Variants in FHIT observed in about 807,000 individuals in gnomAD.
The protein encoded by FHIT is fragile histidine triad diadenosine triphosphatase, also known as bis(5'-adenosyl)-triphosphatase.
A neutral mutation model predicts 17.9 loss-of-function variants in FHIT; 19 were observed. The ratio of observed to expected loss-of-function variants is 1.06; its 90% CI spans 0.74 to 1.56. The LOEUF is 1.56. Ranked by LOEUF, FHIT falls within the 40% of genes most tolerant of loss-of-function variation. The pLI is 0.00. For synonymous variants in FHIT, 81 were observed against 69.7 expected, an observed-to-expected ratio of 1.16 and a Z score of -0.81; for missense variants, 248 against 189.2, an observed-to-expected ratio of 1.31 and a Z score of -1.82.
chr3:60,781,669 T>C (rs1365975846), intron 4 of FHIT, among the ~76,000 whole-genome samples: 1 of 152,112 alleles, frequency 6.6e-6, no homozygotes, highest in Non-Finnish European at 1.5e-5. Flanking sequence ...AAGTCTATTG[T>C]GAAAATATCA....
In FHIT at chr3:59,834,596, CT is replaced by C. The variant is rs370555045; in HGVS notation, c.349-82276del. On this transcript the variant is annotated intron_variant, in intron 8 of 9. Coordinates refer to ENST00000492590, the MANE Select transcript of FHIT (RefSeq NM_002012.4). Reference sequence around the variant, plus strand: ...CCTCTTCCAGGTTGTAGATTGTCAACTTTTTACTGTATCCTCACGTGGTGGA... The same window carrying C: ...CCTCTTCCAGGTTGTAGATTGTCAACTTTTACTGTATCCTCACGTGGTGGA... Among the ~76,000 whole-genome samples the C allele has an allele frequency of 4.1e-3, 620 of 152,270 alleles. 7 individuals carry two copies. Among genetic ancestry groups the C allele is most frequent in the South Asian group, 0.032 (155 of 4,832 alleles).
At chr3:60,386,123 C>G (rs1044105094) in intron 5 of FHIT, among the ~76,000 whole-genome samples, 4 of 152,030 alleles carry the variant, frequency 2.6e-5, no homozygotes, top group South Asian at 2.1e-4. Context: ...GTGGCAGAAC[C>G]AAGATTTCAA....
chr3:59,912,463 A>G (rs1704925963), intron 8 of FHIT, among the ~76,000 whole-genome samples: 1 of 152,246 alleles, frequency 6.6e-6, no homozygotes, highest in Non-Finnish European at 1.5e-5. Flanking sequence ...TTTCATATAT[A>G]GATTTGACCT....
chr3:60,199,739 T>C (rs1336307986), intron 5 of FHIT, among the ~76,000 whole-genome samples: 1 of 152,142 alleles, frequency 6.6e-6, no homozygotes, highest in Non-Finnish European at 1.5e-5. Context: ...AGAAAGATTT[T>C]TATTTAAACA....
intron 8 of FHIT, among the ~76,000 whole-genome samples, chr3:59,790,784 A>G (rs1273943675): frequency 1.3e-5 from 2 of 152,146 alleles, no homozygotes; most frequent in Non-Finnish European, 2.9e-5. Context: ...CCAAATCACT[A>G]CCTGTCTTGT....
intron 5 of FHIT, among the ~76,000 whole-genome samples, chr3:60,472,337 C>A (rs2033129730): frequency 6.6e-6 from 1 of 151,762 alleles, no homozygotes; most frequent in South Asian, 2.1e-4. Flanking sequence ...TACATGCCCA[C>A]CTTCATTTTG....
At chr3:61,192,528 A>C (rs1408281818) in intron 2 of FHIT, among the ~76,000 whole-genome samples, 1 of 152,232 alleles carries the variant, frequency 6.6e-6, no homozygotes, top group Non-Finnish European at 1.5e-5. Flanking sequence ...CTGGGGCAGC[A>C]GGTAGACTTG....
chr3:60,171,736 C>G (rs1180895535), intron 5 of FHIT, among the ~76,000 whole-genome samples: 1 of 152,056 alleles, frequency 6.6e-6, no homozygotes, highest in Non-Finnish European at 1.5e-5. Context: ...GGATCCTGTC[C>G]TGTATACAGC....
intron 4 of FHIT, among the ~76,000 whole-genome samples, chr3:60,618,748 G>A (rs1404998938): frequency 3.9e-5 from 6 of 152,178 alleles, no homozygotes; most frequent in Non-Finnish European, 8.8e-5. Context: ...TGAATCATCT[G>A]AGTGGACCTA....
chr3:60,367,060 C>T (rs2107033590), intron 5 of FHIT, among the ~76,000 whole-genome samples: 1 of 152,240 alleles, frequency 6.6e-6, no homozygotes, highest in South Asian at 2.1e-4. Context: ...TTGTGTTAGG[C>T]CATTATCAAT....
rs566485667 is a variant in FHIT, at chr3:61,121,496, T to C, written c.-164+79121A>G. Among the ~76,000 whole-genome samples, 9 of 152,226 alleles carry C rather than the reference T, an allele frequency of 5.9e-5. 1 individual carries two copies. In the South Asian group the frequency reaches 1.9e-3, roughly 32 times the overall value. The stretch of plus-strand genomic sequence containing the variant: ...TCATATCCAGCCAAACTATGTTTCA[T>C]AAGCACAGGAGAAATAAAATCCTTT... On this transcript the variant is annotated intron_variant, in intron 2 of 9. Coordinates refer to ENST00000492590, the MANE Select transcript of FHIT (RefSeq NM_002012.4).
rs779180597 is a variant in FHIT at position 61,179,707 on chromosome 3, C to CAAAAA, written c.-164+20905_-164+20909dup. 1.1e-3 allele frequency among the ~76,000 whole-genome samples: 31 copies of CAAAAA among 28,994 alleles called. 1 individual carries two copies. Among genetic ancestry groups the CAAAAA allele is most frequent in the African/African-American group, 3.3e-3 (26 of 7,782 alleles). The allele number at this position is 28,994 out of a possible 152,430, so 19.0% of individuals were successfully genotyped here. A position where few individuals can be genotyped will look rare whatever the true frequency, so the allele number is the denominator to read the frequency against. On this transcript the variant is annotated intron_variant, in intron 2 of 9. Coordinates refer to ENST00000492590, the MANE Select transcript of FHIT (RefSeq NM_002012.4). ...TGGGTGACAGAGCAAGACCCTATCT[C>CAAAAA]AAAAAAAAAAAAAAAAAAAAAAAAA...
In FHIT at chr3:61,003,217, A is replaced by T. The variant is rs1004047694; in HGVS notation, c.-111+38830T>A. Among the ~76,000 whole-genome samples, 3 of 152,288 alleles carry T rather than the reference A, an allele frequency of 2.0e-5. No homozygotes were observed. In the South Asian group the frequency reaches 6.2e-4, roughly 32 times the overall value. On this transcript the variant is annotated intron_variant, in intron 3 of 9. Coordinates refer to ENST00000492590, the MANE Select transcript of FHIT (RefSeq NM_002012.4). ...GTGTCTCTCCATTGAGACCCATACC[A>T]TTTGCCTGTAAATTCAGCACACTGA...
chr3:59,821,731 C>G (rs986394361), intron 8 of FHIT, among the ~76,000 whole-genome samples: 1 of 152,102 alleles, frequency 6.6e-6, no homozygotes, highest in South Asian at 2.1e-4. Flanking sequence ...TTTCCTTCTG[C>G]TCCTGGTTCT....
intron 2 of FHIT, among the ~76,000 whole-genome samples, chr3:61,122,643 T>G (rs1302520624): frequency 6.6e-6 from 1 of 152,018 alleles, no homozygotes; most frequent in African/African-American, 2.4e-5. Context: ...TACAAAGAAC[T>G]TAAACAAATT....
intron 7 of FHIT, among the ~76,000 whole-genome samples, chr3:59,928,249 G>A (rs372879338): frequency 3.9e-4 from 59 of 152,304 alleles, no homozygotes; most frequent in Middle Eastern, 3.4e-3. Flanking sequence ...TCCCTGACCT[G>A]TGATTATGTT....
At chr3:60,020,283 A>T (rs1224837115) in intron 5 of FHIT, among the ~76,000 whole-genome samples, 1 of 152,178 alleles carries the variant, frequency 6.6e-6, no homozygotes, top group Non-Finnish European at 1.5e-5. Context: ...GACAAATACG[A>T]AATATTTAAA....
intron 4 of FHIT, among the ~76,000 whole-genome samples, chr3:60,580,839 T>G (rs1553659495): frequency 6.6e-6 from 1 of 152,112 alleles, no homozygotes; most frequent in African/African-American, 2.4e-5. Context: ...AGTGCCATGA[T>G]TGATGAGTGA....
At chr3:59,787,674 T>A (rs573260152) in intron 8 of FHIT, among the ~76,000 whole-genome samples, 1 of 152,330 alleles carries the variant, frequency 6.6e-6, no homozygotes, top group East Asian at 1.9e-4. Flanking sequence ...ACTTACTACA[T>A]GCCAGGAATC....
Sources: gnomAD v4.1 joint callset for allele counts (sites outside exome capture counted in the v4.1 genomes callset) on GRCh38, gnomAD v4.1.1 for gene constraint, MANE v1.5 for transcripts, NCBI Gene and HGNC (gene_info 2026-07-23, HGNC 2026-07-21) for gene names.